The following PBX4 variants were observed in gnomAD, a reference collection of about 807,000 sequenced individuals.
The protein encoded by PBX4 is PBX homeobox 4, also known as pre-B-cell leukemia transcription factor 4.
In PBX4, 26 loss-of-function variants were observed where a neutral mutation model predicts 35.1. The ratio of observed to expected loss-of-function variants is 0.74; its 90% CI spans 0.54 to 1.03. The LOEUF (loss-of-function observed/expected upper bound fraction) is 1.03. Among genes scored for constraint, PBX4 ranks in the 50% least tolerant of loss-of-function variants. The pLI is 0.00. For missense variants in PBX4, 448 were observed against 504.3 expected, an observed-to-expected ratio of 0.89 and a Z score of 1.07; for synonymous variants, 199 against 204.2, an observed-to-expected ratio of 0.97 and a Z score of 0.22.
Position 19,570,476 on chromosome 19 carries a change from T to C in PBX4, c.441+110A>G. 4 of 1,519,434 alleles carry C rather than the reference T, an allele frequency of 2.6e-6. No homozygotes were observed. The South Asian group carries it at 5.0e-5, about 19-fold the overall frequency. 94.1% of individuals were successfully genotyped at this position (1,519,434 alleles called of 1,614,324 possible). A position where few individuals can be genotyped will look rare whatever the true frequency, so the allele number is the denominator to read the frequency against. On this transcript the variant is annotated intron_variant, in intron 3 of 7. Transcript: ENST00000251203. The stretch of plus-strand genomic sequence containing the variant: ...ATGGACCACCTCTGCAGCGACCAAC[T>C]GCATGGACTCCCTGTTCTGCGCCAC...
Position 19,618,680 on chromosome 19 carries a change from C to G in PBX4, c.-51G>C, listed in dbSNP as rs1323509832. 1 of 1,179,262 alleles carries G rather than the reference C, an allele frequency of 8.5e-7. No homozygotes were observed. Among genetic ancestry groups the G allele is most frequent in the Non-Finnish European group, 1.0e-6 (1 of 954,038 alleles). The allele number at this position is 1,179,262 out of a possible 1,614,324, so 73.0% of individuals were successfully genotyped here. A position where few individuals can be genotyped will look rare whatever the true frequency, so the allele number is the denominator to read the frequency against. On this transcript the variant is annotated 5_prime_UTR_variant, in exon 1 of 8. Transcript: ENST00000251203. ...TGAGGGTGCCGTCGAGCCTGGAGCA[C>G]TACCACTGGCGCCGCAGCCAACCGC...
chr19:19,576,372 C>T (rs1397241350), intron 2 of PBX4, among the ~76,000 whole-genome samples: 1 of 151,892 alleles, frequency 6.6e-6, no homozygotes, highest in Non-Finnish European at 1.5e-5. Context: ...ATTACAGGCA[C>T]ACGCCACCAT....
At chr19:19,577,787 A>G (rs1036278236) in intron 2 of PBX4, among the ~76,000 whole-genome samples, 1 of 151,956 alleles carries the variant, frequency 6.6e-6, no homozygotes, top group Non-Finnish European at 1.5e-5. Flanking sequence ...TGGAACTGTG[A>G]GGCAGAGGTT....
intron 2 of PBX4, among the ~76,000 whole-genome samples, chr19:19,591,293 C>G (rs146311923): frequency 1.2e-4 from 19 of 152,124 alleles, no homozygotes; most frequent in African/African-American, 4.1e-4. Flanking sequence ...ACCATGACAC[C>G]CCAGCTTCCT....
chr19:19,605,566 C>T (rs2061625889), intron 1 of PBX4, among the ~76,000 whole-genome samples: 2 of 151,716 alleles, frequency 1.3e-5, no homozygotes, highest in Admixed American at 6.6e-5. Context: ...ATCAAGGCTG[C>T]AGTGAGCTGT....
chr19:19,618,410 C>A, intron 1 of PBX4, 101 bp downstream of exon 1: 2 of 1,139,148 alleles, frequency 1.8e-6, no homozygotes, highest in South Asian at 2.3e-5. Context: ...CAGCCCTCCT[C>A]AAGCGCCCCT....
intron 5 of PBX4, 131 bp from the exon 6 acceptor site, chr19:19,565,220 A>T: frequency 8.7e-7 from 1 of 1,146,818 alleles, no homozygotes; most frequent in Non-Finnish European, 1.3e-6. Flanking sequence ...GGGGCTATGA[A>T]GAGTCTGGGA....
rs934665337 is a variant in PBX4, at chr19:19,561,858, A to C, written c.*167T>G. 26 of 527,926 alleles carry C rather than the reference A, an allele frequency of 4.9e-5. No individual in the cohort carries two copies. Among genetic ancestry groups the C allele is most frequent in the African/African-American group, 4.7e-4 (24 of 51,394 alleles). The allele number at this position is 527,926 out of a possible 1,614,324, so 32.7% of individuals were successfully genotyped here. On this transcript the variant is annotated 3_prime_UTR_variant, in exon 8 of 8. Transcript: ENST00000251203. ...GGCGTTTCAGGCCATCTCGAGTCGC[A>C]GCAGACACATGAGCCGGCGCCACGG...
chr19:19,571,876 T>C (rs1179129811), intron 2 of PBX4, among the ~76,000 whole-genome samples: 1 of 151,276 alleles, frequency 6.6e-6, no homozygotes, highest in Non-Finnish European at 1.5e-5. Flanking sequence ...CTACTAAAAA[T>C]ACAAAAATTA....
intron 1 of PBX4, among the ~76,000 whole-genome samples, chr19:19,615,234 C>A (rs989522580): frequency 1.2e-4 from 18 of 149,328 alleles, no homozygotes; most frequent in Middle Eastern, 3.5e-3. Context: ...GTGGTCCTAG[C>A]TACTCAAGAA....
At chr19:19,599,552 T>C (rs1049243040) in intron 1 of PBX4, among the ~76,000 whole-genome samples, 187 bp from the exon 2 acceptor site, 5 of 152,174 alleles carry the variant, frequency 3.3e-5, no homozygotes, top group Non-Finnish European at 7.3e-5. Context: ...AAAATCAATA[T>C]AAAGGCCAGC....
intron 1 of PBX4, among the ~76,000 whole-genome samples, chr19:19,614,975 T>C (rs1336344767): frequency 6.6e-6 from 1 of 151,286 alleles, no homozygotes; most frequent in East Asian, 1.9e-4. Context: ...GCCTAGCCAA[T>C]ACGGTGAAAC....
chr19:19,588,307 A>T, intron 2 of PBX4: 1 of 1,103,304 alleles, frequency 9.1e-7, no homozygotes, highest in South Asian at 1.2e-5. Context: ...GCAGGGACGC[A>T]CATAGGAGTC....
At chr19:19,603,695 G>A (rs181052694) in intron 1 of PBX4, among the ~76,000 whole-genome samples, 38 of 152,276 alleles carry the variant, frequency 2.5e-4, no homozygotes, top group African/African-American at 8.2e-4. Context: ...AGTGGCTCAC[G>A]CCTGTAATCC....
chr19:19,568,377 A>AGTATCCCTCAGGGAGCTCACACTCCATCT (rs1568378435), intron 5 of PBX4, among the ~76,000 whole-genome samples: 4 of 47,966 alleles, frequency 8.3e-5, no homozygotes, highest in Non-Finnish European at 1.3e-4. Flanking sequence ...ACACTCTATC[A>AGTATCCCTCAGGGAGCTCACACTCCATCT]GTATCCCTCA....
In PBX4 at chr19:19,610,925, G is replaced by T. The variant is rs571457655; in HGVS notation, c.119+7586C>A. On this transcript the variant is annotated intron_variant, in intron 1 of 7. Coordinates refer to ENST00000251203, the MANE Select transcript of PBX4 (RefSeq NM_025245.3). ...TAATCTCTTTAGGGATACTGAAAAA[G>T]AAAATTTTAAATATGAAATCCTACT... Among the ~76,000 whole-genome samples the T allele has an allele frequency of 3.9e-5, 6 of 152,124 alleles. No homozygotes were observed. In the South Asian group the frequency reaches 1.2e-3, roughly 32 times the overall value.
intron 5 of PBX4, among the ~76,000 whole-genome samples, chr19:19,566,847 T>C (rs924231683): frequency 2.6e-5 from 4 of 151,788 alleles, no homozygotes; most frequent in South Asian, 2.1e-4. Flanking sequence ...AGTAGCGGGA[T>C]TGCAGGCATG....
intron 2 of PBX4, among the ~76,000 whole-genome samples, chr19:19,573,298 TCCATCTCCAAAAAAAAGAAAAAAA>T (rs1292734667): frequency 3.2e-5 from 4 of 125,810 alleles, no homozygotes; most frequent in Non-Finnish European, 6.4e-5. Context: ...AGAGCGAAAC[TCCATCTCCAAAAAAAAGAAAAAAA>T]AAAAATATAC....
intron 5 of PBX4, among the ~76,000 whole-genome samples, chr19:19,567,171 G>A (rs1474511833): frequency 1.6e-4 from 24 of 152,224 alleles, no homozygotes; most frequent in Admixed American, 1.5e-3. Context: ...CCTGGTTGAA[G>A]CAGCCCTGGT....
Sources: allele counts gnomAD v4.1 joint callset (sites outside exome capture counted in the v4.1 genomes callset), GRCh38; gene constraint gnomAD v4.1.1; transcripts MANE v1.5; gene names NCBI Gene and HGNC (gene_info 2026-07-23, HGNC 2026-07-21).